DGKG: variants seen among roughly 807,000 people sequenced by gnomAD.
DGKG encodes diacylglycerol kinase gamma.
A neutral mutation model predicts 105.3 loss-of-function variants in DGKG; 78 were observed. The observed-to-expected ratio is 0.74, with a 90% confidence interval of 0.62 to 0.89. The LOEUF is 0.89. Ranked by LOEUF, DGKG falls within the 40% of genes least tolerant of loss-of-function variation. The pLI is 0.00. For synonymous variants in DGKG, 346 were observed against 367.1 expected (o/e 0.94, Z 0.66); for missense variants, 958 against 1,020.1 (o/e 0.94, Z 0.83).
At chr3:186,269,496 G>A (rs1035480289) in intron 11 of DGKG, among the ~76,000 whole-genome samples, 3 of 152,184 alleles carry the variant, frequency 2.0e-5, no homozygotes, top group Non-Finnish European at 4.4e-5. Flanking sequence ...GGCCCTTTGG[G>A]AGTACCCACA....
intron 1 of DGKG, among the ~76,000 whole-genome samples, chr3:186,353,335 A>G (rs1032160687): frequency 6.6e-6 from 1 of 151,990 alleles, no homozygotes; most frequent in Non-Finnish European, 1.5e-5. Context: ...CAGCCTGAAC[A>G]TGGTGAAACC....
chr3:186,331,731 G>C (rs534414210), intron 1 of DGKG, among the ~76,000 whole-genome samples: 2 of 152,324 alleles, frequency 1.3e-5, no homozygotes, highest in East Asian at 3.9e-4. Flanking sequence ...GGTCTAAGAA[G>C]AGTGTTTGTA....
At chr3:186,199,257 A>T (rs1332466509) in intron 21 of DGKG, among the ~76,000 whole-genome samples, 1 of 152,024 alleles carries the variant, frequency 6.6e-6, no homozygotes, top group Non-Finnish European at 1.5e-5. Context: ...CTTTCAGGAC[A>T]GTCCAGTATT....
intron 3 of DGKG, among the ~76,000 whole-genome samples, chr3:186,303,858 C>T (rs1337779443): frequency 6.6e-6 from 1 of 152,242 alleles, no homozygotes; most frequent in East Asian, 1.9e-4. Flanking sequence ...CCCCTTCCCA[C>T]AGCTAACTCG....
At chr3:186,153,624 A>G (rs992244863) in intron 24 of DGKG, among the ~76,000 whole-genome samples, 35 of 152,242 alleles carry the variant, frequency 2.3e-4, no homozygotes, top group South Asian at 6.2e-4. Flanking sequence ...TGTGAACTTC[A>G]CTAGTGCTGG....
chr3:186,266,134 C>T (rs1032140280), intron 13 of DGKG, among the ~76,000 whole-genome samples: 1 of 152,116 alleles, frequency 6.6e-6, no homozygotes, highest in Non-Finnish European at 1.5e-5. Flanking sequence ...TGGGGATGGC[C>T]TCGTAACTAC....
intron 5 of DGKG, among the ~76,000 whole-genome samples, chr3:186,291,487 T>C (rs1460873137): frequency 1.3e-5 from 2 of 152,172 alleles, no homozygotes; most frequent in Non-Finnish European, 2.9e-5. Flanking sequence ...TTGGAAGCAA[T>C]CTAGATGTCC....
intron 24 of DGKG, among the ~76,000 whole-genome samples, chr3:186,152,314 T>C (rs1420665207): frequency 1.3e-5 from 2 of 152,056 alleles, no homozygotes; most frequent in African/African-American, 2.4e-5. Context: ...TTGTGGGCAT[T>C]ATGTTTATCC....
chr3:186,159,713 A>G (rs1716197116), intron 24 of DGKG: 1 of 152,200 alleles, frequency 6.6e-6, no homozygotes, highest in African/African-American at 2.4e-5. Flanking sequence ...CAAGTTTAAG[A>G]ATGATTTTCT....
rs76247147 is a variant in DGKG at position 186,232,748 on chromosome 3, A to T, written c.1826+9756T>A. On this transcript the variant is annotated intron_variant, in intron 20 of 24. Transcript: ENST00000265022. ...TTTTATTGAAAAACGTTTAAACAAG[A>T]TAAATGATGAGAAAAATAATTCCAT... Among the ~76,000 whole-genome samples the T allele has an allele frequency of 2.4e-3, 368 of 152,364 alleles. 2 individuals are homozygous for T. The highest frequency in any genetic ancestry group is 8.2e-3 in the African/African-American group (340 of 41,586).
At chr3:186,152,232 T>A (rs1715796283) in intron 24 of DGKG, among the ~76,000 whole-genome samples, 1 of 150,846 alleles carries the variant, frequency 6.6e-6, no homozygotes, top group African/African-American at 2.4e-5. Flanking sequence ...GGGGAGAGAG[T>A]CTCTGTTTTT....
At chr3:186,322,057 A>G (rs953145876) in intron 1 of DGKG, among the ~76,000 whole-genome samples, 4 of 152,096 alleles carry the variant, frequency 2.6e-5, no homozygotes, top group Admixed American at 2.0e-4. Context: ...CATGGCAGAA[A>G]ACTTCCACCT....
intron 24 of DGKG, among the ~76,000 whole-genome samples, chr3:186,153,976 G>A (rs189074341): frequency 6.6e-5 from 10 of 152,226 alleles, no homozygotes; most frequent in Admixed American, 5.2e-4. Flanking sequence ...GTGGAGGCGC[G>A]CCCTTAGCTA....
At chr3:186,271,775 G>A (rs1448384348) in intron 11 of DGKG, among the ~76,000 whole-genome samples, 8 of 152,132 alleles carry the variant, frequency 5.3e-5, no homozygotes, top group Non-Finnish European at 1.2e-4. Context: ...CCCGGAATAA[G>A]CCGTGTCTCA....
At chr3:186,257,449 C>G (rs894967257) in intron 17 of DGKG, among the ~76,000 whole-genome samples, 2 of 152,144 alleles carry the variant, frequency 1.3e-5, no homozygotes, top group African/African-American at 2.4e-5. Context: ...GACTCAGGCT[C>G]CGGGTGTTCA....
chr3:186,227,707 G>A (rs756001040), intron 20 of DGKG, among the ~76,000 whole-genome samples: 12 of 152,126 alleles, frequency 7.9e-5, no homozygotes, highest in East Asian at 1.9e-4. Flanking sequence ...TTTAAGTGGG[G>A]AGTTAAAATT....
At chr3:186,186,307 C>T (rs1399627411) in intron 22 of DGKG, among the ~76,000 whole-genome samples, 2 of 152,098 alleles carry the variant, frequency 1.3e-5, no homozygotes, top group African/African-American at 2.4e-5. Flanking sequence ...TCACATCCCA[C>T]CTTAGCACTA....
At chr3:186,166,311 A>G (rs918427697) in intron 22 of DGKG, among the ~76,000 whole-genome samples, 5 of 152,228 alleles carry the variant, frequency 3.3e-5, no homozygotes, top group African/African-American at 1.2e-4. Flanking sequence ...TGTGACAGGC[A>G]CATAGCTTTC....
In DGKG at chr3:186,210,912, C is replaced by A. The variant is rs1719006436; in HGVS notation, c.1917+883G>T. Among the ~76,000 whole-genome samples the A allele has an allele frequency of 6.6e-6, 1 of 152,224 alleles. No homozygotes were observed. The highest frequency in any genetic ancestry group is 2.1e-4 in the South Asian group (1 of 4,836). On this transcript the variant is annotated intron_variant, in intron 21 of 24. Transcript: ENST00000265022. The surrounding 1 kb of genome is among the most constrained non-coding windows in gnomAD (Gnocchi z 5.2). ...CCAATGGGCGTAAAGTCCCACGGAG[C>A]AGGTGTGCATAGAAGTTTGGGCTTT... is the stretch of plus-strand genomic sequence containing the variant.
Sources: allele counts gnomAD v4.1 joint callset (sites outside exome capture counted in the v4.1 genomes callset), GRCh38; gene constraint gnomAD v4.1.1; non-coding constraint Gnocchi (gnomAD v3.1); transcripts MANE v1.5; gene names NCBI Gene and HGNC (gene_info 2026-07-23, HGNC 2026-07-21).